Variants in ZBTB41 observed in about 807,000 individuals in gnomAD.
The protein encoded by ZBTB41 is zinc finger and BTB domain-containing protein 41.
In ZBTB41, 42 loss-of-function variants were observed where a neutral mutation model predicts 87.6. That is an observed-to-expected ratio of 0.48 (90% CI 0.37 to 0.62). The LOEUF (loss-of-function observed/expected upper bound fraction) is 0.62, where lower values mean the gene tolerates loss of function less well. Among genes scored for constraint, ZBTB41 ranks in the 20% least tolerant of loss-of-function variants. ZBTB41 has a pLI of 0.00. For missense variants in ZBTB41, 799 were observed against 1,078.9 expected (o/e 0.74, Z 3.63); for synonymous variants, 364 against 364.0 (o/e 1.00, Z 0.00).
At position 197,175,206 on chromosome 1, in the gene ZBTB41, T is replaced by G. The variant is rs375866141; in HGVS notation, c.1880-91A>C. The G allele has an allele frequency of 9.6e-6, 10 of 1,038,750 alleles. No homozygotes were observed. The African/African-American group carries it at 1.2e-4, about 12-fold the overall frequency. 64.3% of individuals were successfully genotyped at this position (1,038,750 alleles called of 1,614,324 possible). ...ACTATCAAACAGTAAGATCACATGA[T>G]GTCAAATATAACAGGAAAGTAAAGC... On this transcript the variant is annotated intron_variant, in intron 8 of 10. Transcript: ENST00000367405.
rs1253999519 is a variant in ZBTB41, at chr1:197,200,159, G to A, written c.315C>T (p.Val105=). The change falls in exon 2 of 11, where the codon GTC becomes GTT. Residue 105 remains valine (V), a synonymous_variant. Transcript: ENST00000367405. ...EGKEFSAHKV[V]VAVGSSYFHA... ...GAAAATAACTACTGCCGACAGCAACGACTACTTTATGTGCACTAAATTCTT... is the reference window on the plus strand; with the variant it reads ...GAAAATAACTACTGCCGACAGCAACAACTACTTTATGTGCACTAAATTCTT... The A allele has an allele frequency of 6.2e-7, 1 of 1,613,888 alleles. No homozygotes were observed. The highest frequency in any genetic ancestry group is 2.2e-5 in the East Asian group (1 of 44,878).
Position 197,199,567 on chromosome 1 carries a change from T to C in ZBTB41, c.907A>G (p.Asn303Asp). The change falls in exon 2 of 11, where the codon AAT becomes GAT. Residue 303 changes from asparagine (N) to aspartate (D), a missense_variant. Coordinates refer to ENST00000367405, the MANE Select transcript of ZBTB41 (RefSeq NM_194314.3). ...TCCTCTAGCTCATCTTCTTCAGCATTATATTCACTTCCAGGGTCCTCAGAA... is the reference window on the plus strand; with the variant it reads ...TCCTCTAGCTCATCTTCTTCAGCATCATATTCACTTCCAGGGTCCTCAGAA... ...NDSEDPGSEY[N>D]AEEDELEEEM... 1 of 1,607,860 alleles carries C rather than the reference T, an allele frequency of 6.2e-7. No individual in the cohort carries two copies. The highest frequency in any genetic ancestry group is 8.5e-7 in the Non-Finnish European group (1 of 1,178,212).
chr1:197,172,683 G>A (rs1659509874), intron 9 of ZBTB41, among the ~76,000 whole-genome samples: 1 of 152,000 alleles, frequency 6.6e-6, no homozygotes, highest in Non-Finnish European at 1.5e-5. Context: ...TATCTTAATT[G>A]TGGTGATGAT....
chr1:197,190,477 C>G (rs1660001559), intron 4 of ZBTB41, among the ~76,000 whole-genome samples: 1 of 152,180 alleles, frequency 6.6e-6, no homozygotes, highest in Admixed American at 6.5e-5. Flanking sequence ...ATTTTATACT[C>G]TGTGCAACAG....
At chr1:197,172,111 A>T in intron 10 of ZBTB41, 49 bp downstream of exon 10, 8 of 680,928 alleles carry the variant, frequency 1.2e-5, no homozygotes, top group Non-Finnish European at 1.5e-5. Context: ...TACACTATAT[A>T]TATCTCTCTC....
intron 2 of ZBTB41, among the ~76,000 whole-genome samples, chr1:197,197,044 T>C (rs762581699): frequency 6.6e-6 from 1 of 152,218 alleles, no homozygotes; most frequent in Non-Finnish European, 1.5e-5. Flanking sequence ...TGTTTAATAA[T>C]GTTTGGCAGC....
Position 197,196,320 on chromosome 1 carries a change from A to G in ZBTB41, c.1120+3034T>C, listed in dbSNP as rs568343484. On this transcript the variant is annotated intron_variant, in intron 2 of 10. Transcript: ENST00000367405. Reference sequence around the variant, plus strand: ...ATAAAGATGGTAAGAGAGGACACTTAAGACACATGGATCTTCTGCTACATA... The same window carrying G: ...ATAAAGATGGTAAGAGAGGACACTTGAGACACATGGATCTTCTGCTACATA... Among the ~76,000 whole-genome samples the G allele has an allele frequency of 3.2e-4, 49 of 152,274 alleles. No homozygotes were observed. The South Asian group carries it at 9.7e-3, about 30-fold the overall frequency.
intron 5 of ZBTB41, 31 bp from the exon 6 acceptor site, chr1:197,181,148 A>G: frequency 6.4e-7 from 1 of 1,550,802 alleles, no homozygotes; most frequent in South Asian, 1.2e-5. Flanking sequence ...GTGTGCATTT[A>G]AAGTTTAAAG....
At chr1:197,160,973 G>A (rs1332467338) in intron 10 of ZBTB41, among the ~76,000 whole-genome samples, 1 of 152,092 alleles carries the variant, frequency 6.6e-6, no homozygotes, top group African/African-American at 2.4e-5. Context: ...GAATGCTGCG[G>A]CCACTATAAG....
intron 10 of ZBTB41, among the ~76,000 whole-genome samples, chr1:197,169,668 C>T (rs1320958914): frequency 6.6e-6 from 1 of 151,868 alleles, no homozygotes; most frequent in East Asian, 1.9e-4. Flanking sequence ...ATTAATTGAA[C>T]TGTTTGAGAT....
At chr1:197,181,288 T>C (rs1659743400) in intron 5 of ZBTB41, among the ~76,000 whole-genome samples, 171 bp from the exon 6 acceptor site, 2 of 152,126 alleles carry the variant, frequency 1.3e-5, no homozygotes, top group South Asian at 4.1e-4. Flanking sequence ...CATATCCCTA[T>C]AACCAAGTAT....
In ZBTB41 at chr1:197,157,289, AAATGTAT is replaced by A. The variant is rs1659087989; in HGVS notation, c.*2063_*2069del. On this transcript the variant is annotated 3_prime_UTR_variant, in exon 11 of 11. Transcript: ENST00000367405. ...TGCAGTATCTTCTTTTTCTGCCACC[AAATGTAT>A]AATATACCATATACATACATGTATA... is the stretch of plus-strand genomic sequence containing the variant. The A allele has an allele frequency of 6.6e-6, 1 of 152,056 alleles. No homozygotes were observed. Among genetic ancestry groups the A allele is most frequent in the Admixed American group, 6.6e-5 (1 of 15,200 alleles). 9.4% of individuals were successfully genotyped at this position (152,056 alleles called of 1,614,324 possible).
chr1:197,200,271 T>G lies in ZBTB41; in HGVS notation c.203A>C (p.Gln68Pro). 1 of 1,612,578 alleles carries G rather than the reference T, an allele frequency of 6.2e-7. No individual in the cohort carries two copies. The highest frequency in any genetic ancestry group is 8.5e-7 in the Non-Finnish European group (1 of 1,179,620). ...ATATTTTAGCAAATTCTTATTATAC[T>G]GCAAAGAACTTAAAAGCTTTCTCTG... The part of the protein sequence containing the change: ...PDQRKLLSSL[Q>P]YNKNLLKYLN... The change falls in exon 2 of 11, where the codon CAG becomes CCG. Residue 68 changes from glutamine (Q) to proline (P), a missense_variant. Coordinates refer to ENST00000367405, the MANE Select transcript of ZBTB41 (RefSeq NM_194314.3).
At chr1:197,172,007 A>G (rs1004653688) in intron 10 of ZBTB41, among the ~76,000 whole-genome samples, 153 bp downstream of exon 10, 1 of 151,854 alleles carries the variant, frequency 6.6e-6, no homozygotes, top group Non-Finnish European at 1.5e-5. Flanking sequence ...TCATGGCATG[A>G]ACTTCAATAT....
In ZBTB41 at chr1:197,158,365, T is replaced by C. The variant is rs780018281; in HGVS notation, c.*994A>G. 3 of 152,436 alleles carry C rather than the reference T, an allele frequency of 2.0e-5. No individual in the cohort carries two copies. The highest frequency in any genetic ancestry group is 4.4e-5 in the Non-Finnish European group (3 of 67,902). 9.4% of individuals were successfully genotyped at this position (152,436 alleles called of 1,614,324 possible). A position where few individuals can be genotyped will look rare whatever the true frequency, so the allele number is the denominator to read the frequency against. On this transcript the variant is annotated 3_prime_UTR_variant, in exon 11 of 11. Coordinates refer to ENST00000367405, the MANE Select transcript of ZBTB41 (RefSeq NM_194314.3). Reference sequence around the variant, plus strand: ...TAAATTAGGCACAAATTTCATAATCTGTTTGGCACCTTTTCTAACAATTGA... The same window carrying C: ...TAAATTAGGCACAAATTTCATAATCCGTTTGGCACCTTTTCTAACAATTGA...
chr1:197,173,165 T>C (rs1425284685), intron 9 of ZBTB41, among the ~76,000 whole-genome samples: 1 of 152,106 alleles, frequency 6.6e-6, no homozygotes, highest in Non-Finnish European at 1.5e-5. Context: ...AATGAATACA[T>C]GGCAAAATAA....
chr1:197,194,537 C>A (rs2125140810), intron 2 of ZBTB41, among the ~76,000 whole-genome samples: 1 of 147,480 alleles, frequency 6.8e-6, no homozygotes, highest in East Asian at 2.0e-4. Flanking sequence ...ATTGAAATGG[C>A]AGTTATATTA....
intron 2 of ZBTB41, among the ~76,000 whole-genome samples, chr1:197,196,151 C>T (rs1557988371): frequency 1.3e-5 from 2 of 152,126 alleles, no homozygotes; most frequent in Non-Finnish European, 2.9e-5. Context: ...CCTCCAGGCT[C>T]ACAATCTAAG....
At chr1:197,171,084 C>T (rs1400634273) in intron 10 of ZBTB41, among the ~76,000 whole-genome samples, 1 of 152,074 alleles carries the variant, frequency 6.6e-6, no homozygotes, top group African/African-American at 2.4e-5. Context: ...GTAGTCAGCA[C>T]TAAATTTCTA....
Sources: allele counts gnomAD v4.1 joint callset (sites outside exome capture counted in the v4.1 genomes callset), GRCh38; gene constraint gnomAD v4.1.1; transcripts MANE v1.5; gene names NCBI Gene and HGNC (gene_info 2026-07-23, HGNC 2026-07-21).